TNFSF4: variants seen among roughly 807,000 people sequenced by gnomAD.
TNFSF4 encodes TNF superfamily member 4.
In TNFSF4, 4 loss-of-function variants were observed where a neutral mutation model predicts 7.3. The observed-to-expected ratio is 0.55, with a 90% confidence interval of 0.27 to 1.25. The LOEUF (loss-of-function observed/expected upper bound fraction) is 1.25. Among genes scored for constraint, TNFSF4 ranks in the 50% most tolerant of loss-of-function variants. The probability of loss-of-function intolerance (pLI) is 0.12; values close to 1 mark genes in which losing one functional copy is unlikely to be tolerated. For synonymous variants in TNFSF4, 76 were observed against 83.7 expected (o/e 0.91, Z 0.50); for missense variants, 181 against 208.8 (o/e 0.87, Z 0.82).
chr1:173,229,525 T>C, the TNFSF4 span, among the ~76,000 whole-genome samples: 1 of 152,132 alleles, frequency 6.6e-6, no homozygotes, highest in Non-Finnish European at 1.5e-5. Context: ...TCACATCAAC[T>C]AATGAGCAAA....
intron 1 of TNFSF4, among the ~76,000 whole-genome samples, chr1:173,201,418 G>T (rs1356111467): frequency 1.3e-5 from 2 of 152,166 alleles, no homozygotes; most frequent in Non-Finnish European, 1.5e-5. Context: ...TTGAGTTACA[G>T]TGTGTGTGTA....
the TNFSF4 span, among the ~76,000 whole-genome samples, chr1:173,327,379 A>T: frequency 6.6e-6 from 1 of 152,154 alleles, no homozygotes; most frequent in South Asian, 2.1e-4. Context: ...CTTAAATGTT[A>T]GACCTAAAAC....
At chr1:173,311,176 T>C in the TNFSF4 span, among the ~76,000 whole-genome samples, 11 of 152,044 alleles carry the variant, frequency 7.2e-5, no homozygotes, top group Non-Finnish European at 1.6e-4. Flanking sequence ...CTGTGTTCTT[T>C]TATTGCTCCT....
intron 1 of TNFSF4, among the ~76,000 whole-genome samples, chr1:173,195,818 G>C (rs114060539): frequency 6.6e-6 from 1 of 152,212 alleles, no homozygotes; most frequent in Non-Finnish European, 1.5e-5. Context: ...GGCCTTGGTG[G>C]TGGGCAGCAG....
At chr1:173,327,815 C>T in the TNFSF4 span, among the ~76,000 whole-genome samples, 4 of 152,102 alleles carry the variant, frequency 2.6e-5, no homozygotes, top group African/African-American at 9.7e-5. Context: ...TACCATCTCA[C>T]ACCAGTTAGA....
the TNFSF4 span, among the ~76,000 whole-genome samples, chr1:173,290,249 C>A: frequency 6.6e-6 from 1 of 152,054 alleles, no homozygotes; most frequent in Non-Finnish European, 1.5e-5. Flanking sequence ...TCAATATCAA[C>A]CTTGAATGTA....
the TNFSF4 span, among the ~76,000 whole-genome samples, chr1:173,430,521 G>C: frequency 0.014 from 2,130 of 152,334 alleles, 21 homozygotes; most frequent in Non-Finnish European, 0.022. Context: ...AGGGCAAAGG[G>C]ATGTAATGGG....
At chr1:173,378,427 G>A in the TNFSF4 span, among the ~76,000 whole-genome samples, 2 of 152,166 alleles carry the variant, frequency 1.3e-5, no homozygotes, top group Non-Finnish European at 2.9e-5. Context: ...CGGGCGGTTT[G>A]TCTTTCAGAT....
At chr1:173,226,034 T>C in the TNFSF4 span, among the ~76,000 whole-genome samples, 1 of 152,358 alleles carries the variant, frequency 6.6e-6, no homozygotes, top group South Asian at 2.1e-4. Flanking sequence ...AAAATGTGAG[T>C]ATTGATATGT....
the TNFSF4 span, among the ~76,000 whole-genome samples, chr1:173,228,160 T>C: frequency 1.3e-5 from 2 of 152,178 alleles, no homozygotes; most frequent in South Asian, 4.1e-4. Context: ...ATGAGTAGCC[T>C]AACTGGGAGG....
the TNFSF4 span, among the ~76,000 whole-genome samples, chr1:173,235,052 TA>T: frequency 6.6e-6 from 1 of 152,220 alleles, no homozygotes; most frequent in Admixed American, 6.5e-5. Flanking sequence ...CATTCAATTG[TA>T]AGTTTTAGTG....
chr1:173,365,843 T>A, the TNFSF4 span, among the ~76,000 whole-genome samples: 9 of 152,216 alleles, frequency 5.9e-5, no homozygotes, highest in Admixed American at 1.3e-4. Flanking sequence ...CACCAAACTG[T>A]GTCAGGACAA....
chr1:173,376,831 G>T, the TNFSF4 span, among the ~76,000 whole-genome samples: 1 of 152,160 alleles, frequency 6.6e-6, no homozygotes, highest in Non-Finnish European at 1.5e-5. Flanking sequence ...CTCAATCTTT[G>T]GGTCCACACT....
the TNFSF4 span, among the ~76,000 whole-genome samples, chr1:173,271,679 A>G: frequency 5.9e-5 from 9 of 152,318 alleles, no homozygotes; most frequent in Admixed American, 3.3e-4. Flanking sequence ...AATGGCGATC[A>G]TTAAAAAGAC....
intron 1 of TNFSF4, 68 bp downstream of exon 1, chr1:173,206,956 G>C (rs1324417409): frequency 6.6e-7 from 1 of 1,513,112 alleles, no homozygotes; most frequent in Non-Finnish European, 8.9e-7. Context: ...CCAAGCGACT[G>C]TTTGCAGCTG....
chr1:173,325,724 A>G, the TNFSF4 span, among the ~76,000 whole-genome samples: 1 of 152,248 alleles, frequency 6.6e-6, no homozygotes, highest in Non-Finnish European at 1.5e-5. Flanking sequence ...ACCATCAGAG[A>G]ATACTATAAA....
At chr1:173,173,638 C>T in the TNFSF4 span, among the ~76,000 whole-genome samples, 10 of 152,340 alleles carry the variant, frequency 6.6e-5, no homozygotes, top group Admixed American at 1.3e-4. Flanking sequence ...TCTGTACACT[C>T]GCAGGCCCAA....
chr1:173,371,410 T>A, the TNFSF4 span, among the ~76,000 whole-genome samples: 33 of 152,288 alleles, frequency 2.2e-4, no homozygotes, highest in Admixed American at 4.6e-4. Context: ...ACCCATTTGT[T>A]GTCCCCTGCT....
chr1:173,176,351 C>G, the TNFSF4 span, among the ~76,000 whole-genome samples: 138 of 152,266 alleles, frequency 9.1e-4, 1 homozygote, highest in East Asian at 0.011. Context: ...TGAGGATACT[C>G]TATCCCTCAG....
Sources: allele counts gnomAD v4.1 joint callset (sites outside exome capture counted in the v4.1 genomes callset), GRCh38; gene constraint gnomAD v4.1.1; transcripts MANE v1.5; gene names NCBI Gene and HGNC (gene_info 2026-07-23, HGNC 2026-07-21).